The following FDFT1 variants were observed in gnomAD, a reference collection of about 807,000 sequenced individuals.
FDFT1 encodes squalene synthase.
In FDFT1, 68 loss-of-function variants were observed where a neutral mutation model predicts 46.8. The ratio of observed to expected loss-of-function variants is 1.45; its 90% CI spans 1.19 to 1.78. The LOEUF is 1.78. Among genes scored for constraint, FDFT1 ranks in the 40% most tolerant of loss-of-function variants. The probability of loss-of-function intolerance (pLI) is 0.00; values close to 1 mark genes in which losing one functional copy is unlikely to be tolerated. For missense variants in FDFT1, 928 were observed against 524.4 expected, an observed-to-expected ratio of 1.77 and a Z score of -7.52; for synonymous variants, 351 against 185.1, an observed-to-expected ratio of 1.90 and a Z score of -7.28.
At chr8:11,801,998 G>C (rs1226926803), upstream of FDFT1, 1 of 455,892 alleles carries the variant, frequency 2.2e-6, no homozygotes, top group African/African-American at 2.0e-5. Context: ...CGGGTAGCCA[G>C]TAGTTTCTAG....
At chr8:11,820,194 G>A (rs1271879153) in intron 3 of FDFT1, among the ~76,000 whole-genome samples, 2 of 151,978 alleles carry the variant, frequency 1.3e-5, no homozygotes, top group African/African-American at 2.4e-5. Flanking sequence ...CAAATATCGC[G>A]GCCTGATCCT....
At chr8:11,819,901 T>TA (rs769212204) in intron 3 of FDFT1, among the ~76,000 whole-genome samples, 3 of 152,184 alleles carry the variant, frequency 2.0e-5, no homozygotes, top group Admixed American at 6.5e-5. Flanking sequence ...GGTGAGGAGT[T>TA]ACGTTCCTTT....
Position 11,810,878 on chromosome 8 carries a change from G to C in FDFT1, c.381+1028G>C, listed in dbSNP as rs578245093. Among the ~76,000 whole-genome samples the C allele has an allele frequency of 1.9e-3, 262 of 140,812 alleles. 1 individual carries two copies. Among genetic ancestry groups the C allele is most frequent in the African/African-American group, 5.7e-3 (215 of 37,866 alleles). 92.4% of individuals were successfully genotyped at this position (140,812 alleles called of 152,430 possible). A position where few individuals can be genotyped will look rare whatever the true frequency, so the allele number is the denominator to read the frequency against. ...TGGGAGGGAGCTAAGTGGACAGAGA[G>C]TCCTCCACCCAAACAAAAGAATCTT... On this transcript the variant is annotated intron_variant, in intron 3 of 7. Coordinates refer to ENST00000220584, the MANE Select transcript of FDFT1 (RefSeq NM_004462.5).
intron 1 of FDFT1, among the ~76,000 whole-genome samples, chr8:11,806,131 G>A (rs1374858599): frequency 6.6e-6 from 1 of 152,158 alleles, no homozygotes; most frequent in Non-Finnish European, 1.5e-5. Flanking sequence ...CCTGAGGCTG[G>A]AGCCCCTTCC....
At chr8:11,803,874 C>G (rs1032321889) in intron 1 of FDFT1, 3 of 154,136 alleles carry the variant, frequency 1.9e-5, no homozygotes, top group African/African-American at 4.8e-5. Context: ...CACGTGCTAT[C>G]TTTAATACAG....
intron 4 of FDFT1, among the ~76,000 whole-genome samples, chr8:11,824,032 T>G (rs1295035421): frequency 6.6e-6 from 1 of 152,036 alleles, no homozygotes; most frequent in East Asian, 1.9e-4. Context: ...ACTCAGCCTT[T>G]TAAAATTTTT....
In FDFT1 at chr8:11,838,459, G is replaced by T; in HGVS notation, c.1104G>T (p.Thr368=). The T allele has an allele frequency of 6.2e-7, 1 of 1,607,354 alleles. No homozygotes were observed. Among genetic ancestry groups the T allele is most frequent in the South Asian group, 1.1e-5 (1 of 90,100 alleles). ...KTRQIISTIR[T]QNLPNCQLIS... ...GGCAGATCATCTCCACCATCCGGAC[G>T]CAGAATCTTCCCAACTGTCAGCTGA... The change falls in exon 8 of 8, where the codon ACG becomes ACT. Residue 368 remains threonine (T), a synonymous_variant. Transcript: ENST00000220584.
intron 1 of FDFT1, chr8:11,808,180 G>A (rs748653020): frequency 4.1e-5 from 37 of 911,754 alleles, no homozygotes; most frequent in Non-Finnish European, 4.9e-5. Flanking sequence ...GATGCGTTGA[G>A]TACAAAGTCC....
chr8:11,798,856 C>G (rs755585192), upstream of FDFT1, among the ~76,000 whole-genome samples: 86 of 152,130 alleles, frequency 5.7e-4, no homozygotes, highest in Non-Finnish European at 1.1e-3. Flanking sequence ...CTAGTGTTGA[C>G]TTAAAAAATA....
intron 3 of FDFT1, among the ~76,000 whole-genome samples, chr8:11,815,223 T>G (rs1224725405): frequency 6.6e-6 from 1 of 152,250 alleles, no homozygotes; most frequent in African/African-American, 2.4e-5. Context: ...GGCTGTGTAG[T>G]ATTCCATGGT....
chr8:11,815,386 G>T (rs566004453), intron 3 of FDFT1, among the ~76,000 whole-genome samples: 2 of 152,318 alleles, frequency 1.3e-5, no homozygotes, highest in East Asian at 3.9e-4. Context: ...TATATGCCCA[G>T]TAATGGGATT....
chr8:11,805,087 T>A (rs73207269), intron 1 of FDFT1, among the ~76,000 whole-genome samples: 135 of 76,402 alleles, frequency 1.8e-3, no homozygotes, highest in Non-Finnish European at 3.3e-3. Context: ...GGCTAATTTT[T>A]AAATTTTTTT....
intron 1 of FDFT1, chr8:11,808,554 C>G: frequency 2.9e-6 from 4 of 1,366,302 alleles, no homozygotes; most frequent in Non-Finnish European, 3.8e-6. Context: ...GGCCATGGCC[C>G]TCTTCAAGCG....
At chr8:11,830,831 C>G (rs1339742365) in intron 6 of FDFT1, among the ~76,000 whole-genome samples, 10 of 152,184 alleles carry the variant, frequency 6.6e-5, no homozygotes, top group East Asian at 5.8e-4. Context: ...AGAACCTGGT[C>G]CGGTAGACCT....
At chr8:11,822,024 TAAAC>T in intron 4 of FDFT1, 146 bp downstream of exon 4, 2 of 941,474 alleles carry the variant, frequency 2.1e-6, no homozygotes, top group Admixed American at 5.2e-5. Context: ...TGTCTCATCA[TAAAC>T]AGTTTATTCC....
At chr8:11,838,320 T>C (rs1013302694) in intron 7 of FDFT1, 68 bp from the exon 8 acceptor site, 5 of 1,203,610 alleles carry the variant, frequency 4.2e-6, no homozygotes, top group Non-Finnish European at 6.2e-6. Context: ...CAGTGGAGGG[T>C]TGTTGTAAGT....
chr8:11,828,557 A>G (rs991885483), intron 5 of FDFT1, among the ~76,000 whole-genome samples: 4 of 152,258 alleles, frequency 2.6e-5, no homozygotes, highest in African/African-American at 9.6e-5. Flanking sequence ...CAGACAGAAC[A>G]TCAGCCACGG....
At chr8:11,832,845 C>G (rs1274368430) in intron 7 of FDFT1, among the ~76,000 whole-genome samples, 3 of 152,098 alleles carry the variant, frequency 2.0e-5, no homozygotes, top group African/African-American at 4.8e-5. Context: ...CATCATTTTT[C>G]CTTTGCCTGA....
intron 7 of FDFT1, among the ~76,000 whole-genome samples, chr8:11,837,919 G>A (rs1020661121): frequency 1.2e-4 from 18 of 152,108 alleles, no homozygotes; most frequent in African/African-American, 4.3e-4. Flanking sequence ...TGGTTCATAC[G>A]GCTCCCTGCT....
Sources: gnomAD v4.1 joint callset for allele counts (sites outside exome capture counted in the v4.1 genomes callset) on GRCh38, gnomAD v4.1.1 for gene constraint, MANE v1.5 for transcripts, NCBI Gene and HGNC (gene_info 2026-07-23, HGNC 2026-07-21) for gene names.